The following EEPD1 variants were observed in gnomAD, a reference collection of about 807,000 sequenced individuals.
EEPD1 encodes the protein endonuclease/exonuclease/phosphatase family domain-containing protein 1.
EEPD1 carries 17 observed loss-of-function variants against 46.3 expected under a neutral mutation model. That is an observed-to-expected ratio of 0.37 (90% CI 0.25 to 0.55). The LOEUF (loss-of-function observed/expected upper bound fraction) is 0.55, where lower values mean the gene tolerates loss of function less well. Ranked by LOEUF, EEPD1 falls within the 20% of genes least tolerant of loss-of-function variation. The pLI is 0.83. For missense variants in EEPD1, 673 were observed against 745.6 expected (o/e 0.90, Z 1.13); for synonymous variants, 313 against 315.6 (o/e 0.99, Z 0.09).
At chr7:36,272,686 C>T (rs1369888844) in intron 3 of EEPD1, among the ~76,000 whole-genome samples, 7 of 152,134 alleles carry the variant, frequency 4.6e-5, no homozygotes, top group South Asian at 4.2e-4. Context: ...TAGCTGGTGG[C>T]GGGGGCTGAG....
At chr7:36,218,300 T>C (rs1238347272) in intron 2 of EEPD1, among the ~76,000 whole-genome samples, 1 of 151,942 alleles carries the variant, frequency 6.6e-6, no homozygotes, top group Non-Finnish European at 1.5e-5. Context: ...ATACCTATGG[T>C]AAAGTTTAAC....
chr7:36,239,195 C>T (rs1786510012), intron 3 of EEPD1, among the ~76,000 whole-genome samples, 159 bp downstream of exon 3: 1 of 152,132 alleles, frequency 6.6e-6, no homozygotes, highest in Non-Finnish European at 1.5e-5. Flanking sequence ...TAATCTGAGC[C>T]CCCTACCTTG....
At position 36,299,158 on chromosome 7, in the gene EEPD1, C is replaced by T. The variant is rs573490745; in HGVS notation, c.1662C>T (p.Ser554=). The change falls in exon 8 of 8, where the codon AGC becomes AGT. Residue 554 remains serine (S), a synonymous_variant. Transcript: ENST00000242108. ...AGAAGGATGCCCCTCGGAACGGCAG[C>T]GGGGTGGCCTTGGAGCGAAGTGAAG... ...WSKKDAPRNG[S]GVALERSEAN... The T allele has an allele frequency of 5.3e-5, 85 of 1,614,194 alleles. 1 individual carries two copies. The South Asian group carries it at 5.6e-4, about 11-fold the overall frequency.
intron 2 of EEPD1, among the ~76,000 whole-genome samples, chr7:36,199,957 T>G (rs993508410): frequency 4.6e-5 from 7 of 152,196 alleles, no homozygotes; most frequent in African/African-American, 1.7e-4. Flanking sequence ...TGTAGGCATT[T>G]ATAAAGAATA....
At chr7:36,214,089 T>A (rs1785985700) in intron 2 of EEPD1, among the ~76,000 whole-genome samples, 1 of 152,020 alleles carries the variant, frequency 6.6e-6, no homozygotes, top group African/African-American at 2.4e-5. Flanking sequence ...AAAGATGGGC[T>A]CTGGAAAGAT....
At chr7:36,263,643 A>G (rs1786966963) in intron 3 of EEPD1, among the ~76,000 whole-genome samples, 1 of 152,210 alleles carries the variant, frequency 6.6e-6, no homozygotes, top group East Asian at 1.9e-4. Flanking sequence ...AGAAGATGTC[A>G]CGTTCTGGGT....
intron 3 of EEPD1, among the ~76,000 whole-genome samples, chr7:36,257,099 T>C (rs759649595): frequency 5.9e-5 from 9 of 152,230 alleles, no homozygotes; most frequent in Non-Finnish European, 1.2e-4. Flanking sequence ...TGGCTAGATA[T>C]GAAATTCTGA....
chr7:36,247,018 C>T (rs867261639), intron 3 of EEPD1, among the ~76,000 whole-genome samples: 3 of 150,790 alleles, frequency 2.0e-5, no homozygotes, highest in South Asian at 2.1e-4. Context: ...TCCAGCTACT[C>T]GGGAGGCTGA....
intron 2 of EEPD1, among the ~76,000 whole-genome samples, chr7:36,196,298 A>AT (rs113880240): frequency 1.8e-4 from 27 of 149,620 alleles, no homozygotes; most frequent in East Asian, 5.9e-4. Flanking sequence ...GCTACACTAA[A>AT]TTTTTTTTTT....
intron 2 of EEPD1, among the ~76,000 whole-genome samples, chr7:36,190,321 A>G (rs896606691): frequency 2.1e-5 from 1 of 48,434 alleles, no homozygotes; most frequent in East Asian, 5.2e-4. Flanking sequence ...ACAGTGAGCT[A>G]TGATTGCACC....
intron 3 of EEPD1, among the ~76,000 whole-genome samples, chr7:36,253,470 G>A (rs1454413757): frequency 6.6e-6 from 1 of 152,138 alleles, no homozygotes; most frequent in Admixed American, 6.5e-5. Context: ...TTGGTTTATG[G>A]TTTATGTTGT....
intron 2 of EEPD1, among the ~76,000 whole-genome samples, chr7:36,163,908 C>A (rs1242758181): frequency 1.4e-5 from 2 of 147,130 alleles, no homozygotes; most frequent in African/African-American, 2.5e-5. Context: ...AAAAGCTATT[C>A]TGTTCAGTAA....
At chr7:36,282,586 G>A (rs748417965) in intron 4 of EEPD1, among the ~76,000 whole-genome samples, 11 of 152,354 alleles carry the variant, frequency 7.2e-5, no homozygotes, top group South Asian at 6.2e-4. Flanking sequence ...AAAACCTCTC[G>A]GCCTCAATTC....
rs1258217773 is a variant in EEPD1 at position 36,281,207 on chromosome 7, C to A, written c.1023C>A (p.Pro341=). 6.2e-7 allele frequency: 1 copy of A among 1,614,130 alleles called. No homozygotes were observed. Among genetic ancestry groups the A allele is most frequent in the South Asian group, 1.1e-5 (1 of 91,080 alleles). Residue 341 remains proline (P), a synonymous_variant, in exon 4 of 8, where the codon CCC becomes CCA. Coordinates refer to ENST00000242108, the MANE Select transcript of EEPD1 (RefSeq NM_030636.3). The part of the protein sequence containing the change: ...GCWKAVVAEK[P]SSQLQKGAGY... ...GGAAGGCTGTTGTTGCTGAGAAGCC[C>A]TCGAGTCAGCTCCAGAAGGTACCCT... is the stretch of plus-strand genomic sequence containing the variant.
intron 2 of EEPD1, among the ~76,000 whole-genome samples, chr7:36,222,090 G>A (rs1230416817): frequency 6.6e-6 from 1 of 152,098 alleles, no homozygotes; most frequent in Non-Finnish European, 1.5e-5. Context: ...GAGCCAACCC[G>A]CCCTCCCCTG....
At chr7:36,200,284 G>A (rs1315883338) in intron 2 of EEPD1, among the ~76,000 whole-genome samples, 2 of 152,144 alleles carry the variant, frequency 1.3e-5, no homozygotes, top group Non-Finnish European at 2.9e-5. Flanking sequence ...CGCCAGTTCC[G>A]TCTGTGTTTC....
At chr7:36,190,866 T>C (rs945336569) in intron 2 of EEPD1, among the ~76,000 whole-genome samples, 30 of 152,230 alleles carry the variant, frequency 2.0e-4, no homozygotes, top group African/African-American at 7.2e-4. Flanking sequence ...CTTCCTGGGA[T>C]GTGTCTCAGG....
chr7:36,165,642 T>C (rs892997487), intron 2 of EEPD1, among the ~76,000 whole-genome samples: 8 of 138,928 alleles, frequency 5.8e-5, no homozygotes, highest in African/African-American at 1.8e-4. Context: ...GGTTTCCATG[T>C]TGACCAGGAT....
At chr7:36,233,235 C>A (rs1786369488) in intron 2 of EEPD1, among the ~76,000 whole-genome samples, 1 of 152,216 alleles carries the variant, frequency 6.6e-6, no homozygotes, top group Non-Finnish European at 1.5e-5. Context: ...GAGGAGTGGC[C>A]AATGGCCTTG....
Sources: gnomAD v4.1 joint callset for allele counts (sites outside exome capture counted in the v4.1 genomes callset) on GRCh38, gnomAD v4.1.1 for gene constraint, MANE v1.5 for transcripts, NCBI Gene and HGNC (gene_info 2026-07-23, HGNC 2026-07-21) for gene names.